The following CACHD1 variants were observed in gnomAD, a reference collection of about 807,000 sequenced individuals.
The protein encoded by CACHD1 is VWFA and cache domain-containing protein 1.
Under a neutral mutation model 138.7 loss-of-function variants are expected in CACHD1, and 71 were observed. That is an observed-to-expected ratio of 0.51 (90% CI 0.42 to 0.62). The LOEUF is 0.62. Ranked by LOEUF, CACHD1 falls within the 20% of genes least tolerant of loss-of-function variation. The probability of loss-of-function intolerance (pLI) is 0.00; values close to 1 mark genes in which losing one functional copy is unlikely to be tolerated. For synonymous variants in CACHD1, 578 were observed against 591.5 expected (o/e 0.98, Z 0.33); for missense variants, 1,389 against 1,625.3 (o/e 0.85, Z 2.50).
At chr1:64,587,827 C>A (rs1260090913) in intron 3 of CACHD1, among the ~76,000 whole-genome samples, 2 of 152,156 alleles carry the variant, frequency 1.3e-5, no homozygotes, top group African/African-American at 4.8e-5. Context: ...CATAATTACA[C>A]CTATGGACTA....
At chr1:64,483,298 T>C (rs534064255) in intron 1 of CACHD1, among the ~76,000 whole-genome samples, 53 of 152,294 alleles carry the variant, frequency 3.5e-4, no homozygotes, top group Non-Finnish European at 6.5e-4. Context: ...ACTATATACT[T>C]GAAGCTGCTT....
intron 2 of CACHD1, among the ~76,000 whole-genome samples, chr1:64,581,308 T>C (rs1312449721): frequency 6.6e-6 from 1 of 152,196 alleles, no homozygotes; most frequent in African/African-American, 2.4e-5. Context: ...TCCAGTGTGA[T>C]GATAATGAAT....
At chr1:64,545,142 A>G (rs1646708818) in intron 1 of CACHD1, among the ~76,000 whole-genome samples, 1 of 152,248 alleles carries the variant, frequency 6.6e-6, no homozygotes, top group Non-Finnish European at 1.5e-5. Flanking sequence ...TTTTAAAAAT[A>G]TACAAAACAT....
intron 24 of CACHD1, 40 bp downstream of exon 24, chr1:64,679,796 G>A (rs1476310790): frequency 6.2e-7 from 1 of 1,606,888 alleles, no homozygotes; most frequent in Non-Finnish European, 8.5e-7. Flanking sequence ...GCAGCAGCCA[G>A]GCTAGAAGGA....
At chr1:64,608,804 G>T (rs1184223314) in intron 4 of CACHD1, among the ~76,000 whole-genome samples, 1 of 151,756 alleles carries the variant, frequency 6.6e-6, no homozygotes, top group Non-Finnish European at 1.5e-5. Context: ...ATTTTCTTGT[G>T]CATGGCCTGA....
chr1:64,636,958 T>G (rs1400487975), intron 7 of CACHD1, among the ~76,000 whole-genome samples: 2 of 152,288 alleles, frequency 1.3e-5, no homozygotes, highest in East Asian at 3.9e-4. Context: ...ATCTTAGAAT[T>G]TGGCCTACCA....
rs375612693 is a variant in CACHD1, at chr1:64,558,339, C to A, written c.261+7683C>A. ...CACAAGGTGCTGTTCAGACGAAGAT[C>A]CCCATGGGCCCTCACCTCCTTCAAG... is the stretch of plus-strand genomic sequence containing the variant. On this transcript the variant is annotated intron_variant, in intron 2 of 26. Transcript: ENST00000651257. Among the ~76,000 whole-genome samples, 3 of 152,224 alleles carry A rather than the reference C, an allele frequency of 2.0e-5. No individual in the cohort carries two copies. The South Asian group carries it at 6.2e-4, about 32-fold the overall frequency.
chr1:64,666,347 C>T (rs568184089), intron 16 of CACHD1, among the ~76,000 whole-genome samples, 180 bp downstream of exon 16: 2 of 152,150 alleles, frequency 1.3e-5, no homozygotes, highest in African/African-American at 4.8e-5. Flanking sequence ...TTTCTCCTGC[C>T]GTCTATAAAA....
At chr1:64,671,973 C>T (rs1424757644) in intron 17 of CACHD1, among the ~76,000 whole-genome samples, 4 of 152,122 alleles carry the variant, frequency 2.6e-5, no homozygotes, top group Non-Finnish European at 4.4e-5. Context: ...AGAGGCTTCC[C>T]ATATCTTTGG....
intron 1 of CACHD1, among the ~76,000 whole-genome samples, chr1:64,529,879 A>T (rs1274343187): frequency 6.6e-6 from 1 of 152,206 alleles, no homozygotes; most frequent in Non-Finnish European, 1.5e-5. Context: ...TATAATTTCC[A>T]AATCTTAAGT....
intron 8 of CACHD1, among the ~76,000 whole-genome samples, chr1:64,644,810 C>A (rs889840676): frequency 2.0e-5 from 3 of 152,180 alleles, no homozygotes; most frequent in Admixed American, 6.5e-5. Context: ...AAAATTAAAA[C>A]ACTTGGACCA....
intron 3 of CACHD1, among the ~76,000 whole-genome samples, chr1:64,598,264 C>T (rs1266535031): frequency 6.6e-6 from 1 of 152,176 alleles, no homozygotes; most frequent in African/African-American, 2.4e-5. Flanking sequence ...CTTTATCTGA[C>T]CGGCACATCA....
chr1:64,632,640 T>C lies in CACHD1; in HGVS notation c.686T>C (p.Ile229Thr), dbSNP rs771912124. ...ACAGTCCGGCCGCAGTCAAAGCACA[T>C]AGTAGTGATTCTGGACCACGGGGCT... ...VSTVRPQSKH[I>T]VVILDHGASV... The change falls in exon 6 of 27, where the codon ATA (isoleucine) becomes ACA (threonine). Residue 229 changes from isoleucine (I) to threonine (T), a missense_variant. Ile to Thr is a moderately conservative substitution (Grantham distance 89, BLOSUM62 -1). Around this residue, in one of 5 missense-constraint regions of CACHD1, gnomAD observed 1,000 missense variants for 1,114.7 expected, o/e 0.90. Transcript: ENST00000651257. The C allele has an allele frequency of 1.9e-6, 3 of 1,614,050 alleles. No individual in the cohort carries two copies. In the South Asian group the frequency reaches 3.3e-5, roughly 18 times the overall value.
At chr1:64,574,417 A>G (rs776491365) in intron 2 of CACHD1, among the ~76,000 whole-genome samples, 14 of 152,158 alleles carry the variant, frequency 9.2e-5, no homozygotes, top group Non-Finnish European at 1.6e-4. Flanking sequence ...GATCCCAGAA[A>G]AAGTCTGAGC....
intron 2 of CACHD1, among the ~76,000 whole-genome samples, chr1:64,581,031 T>G (rs1647008312): frequency 6.6e-6 from 1 of 152,158 alleles, no homozygotes; most frequent in African/African-American, 2.4e-5. Context: ...GACAACCCAT[T>G]ATCCAATTAA....
chr1:64,562,500 C>T (rs1646848813), intron 2 of CACHD1, among the ~76,000 whole-genome samples: 1 of 150,764 alleles, frequency 6.6e-6, no homozygotes, highest in Non-Finnish European at 1.5e-5. Flanking sequence ...ACCTCCGCCT[C>T]CCAGGTTCAA....
chr1:64,648,264 A>G (rs1648978391), intron 9 of CACHD1, among the ~76,000 whole-genome samples: 1 of 152,174 alleles, frequency 6.6e-6, no homozygotes, highest in Non-Finnish European at 1.5e-5. Flanking sequence ...CGAATATCCA[A>G]AAGTTTGTGA....
chr1:64,478,706 C>T (rs1477906562), intron 1 of CACHD1, among the ~76,000 whole-genome samples: 1 of 152,126 alleles, frequency 6.6e-6, no homozygotes. Context: ...CTAGAGTACA[C>T]CCAGGGTTGC....
At position 64,671,580 on chromosome 1, in the gene CACHD1, GGGCACAC is replaced by G; in HGVS notation, c.2405_2411del (p.Gly802ValfsTer4). Reference sequence around the variant, plus strand: ...CACTTAAAGTACACAGCTGTCTTCTGGGCACACTGTGGCTGTGATGGGCATTGACTTC... The same window carrying G: ...CACTTAAAGTACACAGCTGTCTTCTGTGTGGCTGTGATGGGCATTGACTTC... On this transcript the variant is annotated frameshift_variant, in exon 17 of 27. Coordinates refer to ENST00000651257, the MANE Select transcript of CACHD1 (RefSeq NM_020925.4). LOFTEE classifies it high-confidence loss of function. 6.2e-7 allele frequency: 1 copy of G among 1,613,936 alleles called. No homozygotes were observed. Among genetic ancestry groups the G allele is most frequent in the Non-Finnish European group, 8.5e-7 (1 of 1,179,916 alleles).
Sources: allele counts gnomAD v4.1 joint callset (sites outside exome capture counted in the v4.1 genomes callset), GRCh38; gene constraint gnomAD v4.1.1; regional missense constraint gnomAD v4.1.1; transcripts MANE v1.5; gene names NCBI Gene and HGNC (gene_info 2026-07-23, HGNC 2026-07-21).